TGM6: variants seen among roughly 807,000 people sequenced by gnomAD.
TGM6 encodes the protein protein-glutamine gamma-glutamyltransferase 6.
Under a neutral mutation model 77.5 loss-of-function variants are expected in TGM6, and 74 were observed. The ratio of observed to expected loss-of-function variants is 0.96; its 90% CI spans 0.79 to 1.16. TGM6 has a LOEUF of 1.16. Among genes scored for constraint, TGM6 ranks in the 50% most tolerant of loss-of-function variants. TGM6 has a pLI of 0.00. For missense variants in TGM6, 968 were observed against 940.2 expected (o/e 1.03, Z -0.39); for synonymous variants, 383 against 378.9 (o/e 1.01, Z -0.12).
rs144338465 is a variant in TGM6 at position 2,403,703 on chromosome 20, G to A, written c.1216G>A (p.Glu406Lys). Residue 406 changes from glutamate (E) to lysine (K), a missense_variant, in exon 9 of 13, where the codon GAG (glutamate) becomes AAG (lysine). Coordinates refer to ENST00000202625, the MANE Select transcript of TGM6 (RefSeq NM_198994.3). ...CGACTACATCACCTGGCTGTGGCACGAGGATGAGAGCCGGGAGCGTGTATA... is the reference window on the plus strand; with the variant it reads ...CGACTACATCACCTGGCTGTGGCACAAGGATGAGAGCCGGGAGCGTGTATA... Reference protein sequence around the residue: ...NADYITWLWHEDESRERVYSN... With the variant: ...NADYITWLWHKDESRERVYSN... 3,136 of 1,614,196 alleles carry A rather than the reference G, an allele frequency of 1.9e-3. 6 individuals are homozygous for A. The highest frequency in any genetic ancestry group is 2.3e-3 in the Non-Finnish European group (2,756 of 1,180,038).
intron 10 of TGM6, among the ~76,000 whole-genome samples, chr20:2,422,305 G>T (rs796234987): frequency 4.6e-5 from 7 of 152,246 alleles, no homozygotes; most frequent in African/African-American, 1.7e-4. Context: ...ATATCCAGTT[G>T]CTTCAGCACC....
Position 2,430,991 on chromosome 20 carries a change from A to T in TGM6, c.1931A>T (p.Glu644Val). 1 of 1,614,072 alleles carries T rather than the reference A, an allele frequency of 6.2e-7. No individual in the cohort carries two copies. The highest frequency in any genetic ancestry group is 8.5e-7 in the Non-Finnish European group (1 of 1,180,000). Residue 644 changes from glutamate to valine, a missense_variant, in exon 12 of 13, where the codon GAG becomes GTG. Physicochemically the swap from Glu to Val is moderately radical, Grantham distance 121. Transcript: ENST00000202625. ...ERVKDCALMV[E>V]GSGLLQEQLS... ...GTGAAGGACTGTGCGCTGATGGTGG[A>T]GGGCAGCGGCCTTCTCCAGGAACAG...
rs3050737 is a variant in TGM6 at position 2,422,949 on chromosome 20, C to CA, written c.1678+5393dup. On this transcript the variant is annotated intron_variant, in intron 10 of 12. Transcript: ENST00000202625. ...TGGGTAACAAAGGGAGACTCTTTCT[C>CA]AAAAAAAAAAAAAAAAAGTTAACCA... 6.0e-3 allele frequency among the ~76,000 whole-genome samples: 677 copies of CA among 113,352 alleles called. 8 individuals carry two copies. The highest frequency in any genetic ancestry group is 0.016 in the African/African-American group (500 of 30,984). 74.4% of individuals were successfully genotyped at this position (113,352 alleles called of 152,430 possible). A position where few individuals can be genotyped will look rare whatever the true frequency, so the allele number is the denominator to read the frequency against.
chr20:2,385,242 C>T (rs775290874), intron 1 of TGM6, among the ~76,000 whole-genome samples: 7 of 152,124 alleles, frequency 4.6e-5, no homozygotes, highest in Non-Finnish European at 8.8e-5. Flanking sequence ...GATGCAGATG[C>T]CTCAGAGGGT....
chr20:2,399,676 AG>A lies in TGM6; in HGVS notation c.791del (p.Gly264AlafsTer27). ...GSVAILQKWL[K>X]GRYKPVKYGQ... ...GTGGCCATTCTGCAGAAGTGGCTCA[AG>A]GGCAGGTACAAGCCAGTCAAGTACG... On this transcript the variant is annotated frameshift_variant, in exon 6 of 13. Coordinates refer to ENST00000202625, the MANE Select transcript of TGM6 (RefSeq NM_198994.3). LOFTEE classifies it high-confidence loss of function. 1 of 1,613,784 alleles carries A rather than the reference AG, an allele frequency of 6.2e-7. No homozygotes were observed. Among genetic ancestry groups the A allele is most frequent in the Non-Finnish European group, 8.5e-7 (1 of 1,179,880 alleles).
chr20:2,398,157 T>C (rs760807547), intron 5 of TGM6, 111 bp downstream of exon 5: 2 of 1,574,096 alleles, frequency 1.3e-6, no homozygotes, highest in Non-Finnish European at 1.7e-6. Context: ...TTCGCTGTTG[T>C]TGCAGAACCA....
intron 7 of TGM6, among the ~76,000 whole-genome samples, chr20:2,401,974 G>A (rs531282387): frequency 2.0e-5 from 3 of 152,142 alleles, no homozygotes; most frequent in South Asian, 2.1e-4. Context: ...GCGGTGGCTC[G>A]CACCTGTAAT....
chr20:2,428,447 T>C (rs1276057593), intron 10 of TGM6, among the ~76,000 whole-genome samples: 2 of 152,164 alleles, frequency 1.3e-5, no homozygotes, highest in Non-Finnish European at 2.9e-5. Context: ...TGGTGGCATA[T>C]GATGGTTCTT....
intron 1 of TGM6, among the ~76,000 whole-genome samples, chr20:2,390,188 A>C (rs924864491): frequency 6.6e-6 from 1 of 152,146 alleles, no homozygotes; most frequent in African/African-American, 2.4e-5. Flanking sequence ...TGTTCATTGT[A>C]CTGATGTGTT....
chr20:2,401,064 G>C (rs1408648170), intron 7 of TGM6, among the ~76,000 whole-genome samples: 1 of 151,976 alleles, frequency 6.6e-6, no homozygotes. Flanking sequence ...AATTAGCCAA[G>C]CATCGTGGCA....
At position 2,403,323 on chromosome 20, in the gene TGM6, C is replaced by T. The variant is rs1372047917; in HGVS notation, c.990-74C>T. 6 of 1,526,152 alleles carry T rather than the reference C, an allele frequency of 3.9e-6. No homozygotes were observed. In the East Asian group the frequency reaches 7.1e-5, roughly 18 times the overall value. The allele number at this position is 1,526,152 out of a possible 1,614,324, so 94.5% of individuals were successfully genotyped here. A position where few individuals can be genotyped will look rare whatever the true frequency, so the allele number is the denominator to read the frequency against. Reference sequence around the variant, plus strand: ...CTTGTGGAAAGTAGGGAGCCCAGGGCCTGCCTCTCAGTAGGATCTTCCCTT... The same window carrying T: ...CTTGTGGAAAGTAGGGAGCCCAGGGTCTGCCTCTCAGTAGGATCTTCCCTT... On this transcript the variant is annotated intron_variant, in intron 7 of 12. Transcript: ENST00000202625.
chr20:2,396,825 G>A (rs1357636086), intron 4 of TGM6, among the ~76,000 whole-genome samples: 2 of 152,148 alleles, frequency 1.3e-5, no homozygotes, highest in African/African-American at 4.8e-5. Context: ...AGGTGCTTTG[G>A]ACAAGGTTTG....
intron 10 of TGM6, among the ~76,000 whole-genome samples, chr20:2,426,487 C>T (rs2084888549): frequency 6.6e-6 from 1 of 152,098 alleles, no homozygotes. Flanking sequence ...TCTTCCTTCC[C>T]AATCTGTATA....
In TGM6 at chr20:2,432,455, T is replaced by C. The variant is rs762711412; in HGVS notation, c.1968-35T>C. ...GCCAGACTCAGAATGGCAAGAGGAC[T>C]GACAGTCTGCCTTTCTCCCCTCCCC... On this transcript the variant is annotated intron_variant, in intron 12 of 12. Coordinates refer to ENST00000202625, the MANE Select transcript of TGM6 (RefSeq NM_198994.3). 16 of 1,612,720 alleles carry C rather than the reference T, an allele frequency of 9.9e-6. No individual in the cohort carries two copies. In the East Asian group the frequency reaches 3.6e-4, roughly 36 times the overall value.
In TGM6 at chr20:2,403,464, C is replaced by T. The variant is rs1345755344; in HGVS notation, c.1057C>T (p.Gln353Ter). 1 of 1,614,052 alleles carries T rather than the reference C, an allele frequency of 6.2e-7. No individual in the cohort carries two copies. Among genetic ancestry groups the T allele is most frequent in the Non-Finnish European group, 8.5e-7 (1 of 1,180,046 alleles). Residue 353 changes from glutamine (Q) to a stop codon, truncating the protein, a stop_gained, in exon 8 of 13, where the codon CAG becomes TAG. Transcript: ENST00000202625. LOFTEE classifies it high-confidence loss of function. ...QDLGPSYNGW[Q>*]VLDATPQEES... is the part of the protein sequence containing the mutation. Reference sequence around the variant, plus strand: ...CCTAGGCCCCTCTTACAATGGCTGGCAGGTTCTGGATGCCACCCCCCAGGA... The same window carrying T: ...CCTAGGCCCCTCTTACAATGGCTGGTAGGTTCTGGATGCCACCCCCCAGGA...
At chr20:2,402,483 T>C (rs956057194) in intron 7 of TGM6, among the ~76,000 whole-genome samples, 1 of 152,186 alleles carries the variant, frequency 6.6e-6, no homozygotes, top group East Asian at 1.9e-4. Context: ...CTTTTCTTCA[T>C]GCAGAAAGCA....
In TGM6 at chr20:2,431,853, G is replaced by A. The variant is rs115298742; in HGVS notation, c.1968-637G>A. Among the ~76,000 whole-genome samples, 748 of 152,284 alleles carry A rather than the reference G, an allele frequency of 4.9e-3. 8 individuals are homozygous for A. The highest frequency in any genetic ancestry group is 0.016 in the African/African-American group (660 of 41,556). ...CTGATGGCTGGTGTTGTCAGGGAAG[G>A]TCTCCTGGAAAAAGAGAACTTGATT... On this transcript the variant is annotated intron_variant, in intron 12 of 12. Transcript: ENST00000202625.
intron 10 of TGM6, among the ~76,000 whole-genome samples, chr20:2,421,119 T>A (rs1369661269): frequency 6.6e-6 from 1 of 152,130 alleles, no homozygotes; most frequent in Admixed American, 6.6e-5. Context: ...CTCGAGTAGC[T>A]GGGATTACGG....
chr20:2,394,740 T>C (rs1027843223), intron 2 of TGM6, 115 bp downstream of exon 2: 6 of 1,245,400 alleles, frequency 4.8e-6, no homozygotes, highest in African/African-American at 3.0e-5. Flanking sequence ...AGCAAGTCAC[T>C]GTAGGTAGAC....
Sources: allele counts gnomAD v4.1 joint callset (sites outside exome capture counted in the v4.1 genomes callset), GRCh38; gene constraint gnomAD v4.1.1; transcripts MANE v1.5; gene names NCBI Gene and HGNC (gene_info 2026-07-23, HGNC 2026-07-21).